ZNF722: variants seen among roughly 807,000 people sequenced by gnomAD.
The protein encoded by ZNF722 is zinc finger protein 722.
At chr7:63,998,945 C>A in the ZNF722 span, 17 of 1,573,646 alleles carry the variant, frequency 1.1e-5, no homozygotes, top group Non-Finnish European at 1.5e-5. Flanking sequence ...TTGTGTCCTG[C>A]AGGTATTCGC....
At chr7:64,012,233 G>C in the ZNF722 span, among the ~76,000 whole-genome samples, 1 of 152,096 alleles carries the variant, frequency 6.6e-6, no homozygotes, top group Non-Finnish European at 1.5e-5. Flanking sequence ...CCTTTAGCTC[G>C]GAGAAGTTTG....
the ZNF722 span, among the ~76,000 whole-genome samples, chr7:64,009,747 T>C: frequency 3.9e-5 from 6 of 152,078 alleles, no homozygotes; most frequent in Non-Finnish European, 7.4e-5. Context: ...CAGGATGATG[T>C]TGGCCTCATA....
the ZNF722 span, chr7:64,016,160 A>T: frequency 5.3e-6 from 2 of 373,898 alleles, no homozygotes; most frequent in Non-Finnish European, 9.5e-6. Flanking sequence ...TTTTTTTGAG[A>T]TGGTATCTCC....
chr7:64,015,523 C>T, the ZNF722 span: 1 of 1,612,426 alleles, frequency 6.2e-7, no homozygotes, highest in East Asian at 2.2e-5. Flanking sequence ...TTTAGGTGGC[C>T]CTCAAACCTT....
At chr7:64,003,438 G>A in the ZNF722 span, among the ~76,000 whole-genome samples, 1 of 152,036 alleles carries the variant, frequency 6.6e-6, no homozygotes, top group Admixed American at 6.6e-5. Context: ...GGTTTGATAT[G>A]TCCAGAGCAT....
At chr7:64,015,447 T>C in the ZNF722 span, 1 of 1,604,864 alleles carries the variant, frequency 6.2e-7, no homozygotes, top group Non-Finnish European at 8.5e-7. Flanking sequence ...CTCCTCAAAC[T>C]GTACTACACA....
At chr7:64,012,369 T>A in the ZNF722 span, among the ~76,000 whole-genome samples, 8 of 152,190 alleles carry the variant, frequency 5.3e-5, no homozygotes, top group African/African-American at 1.9e-4. Context: ...ATTTTTAAAA[T>A]TTTCAGCTTT....
At chr7:64,007,251 T>TAC in the ZNF722 span, among the ~76,000 whole-genome samples, 4 of 148,700 alleles carry the variant, frequency 2.7e-5, no homozygotes, top group Admixed American at 2.7e-4. Flanking sequence ...TATATATATA[T>TAC]ATATTTATAC....
At chr7:64,009,132 A>C in the ZNF722 span, among the ~76,000 whole-genome samples, 114 of 152,350 alleles carry the variant, frequency 7.5e-4, no homozygotes, top group African/African-American at 2.5e-3. Context: ...TATCAGCTTA[A>C]GGAGATTTTG....
At chr7:64,007,193 C>A in the ZNF722 span, among the ~76,000 whole-genome samples, 20 of 143,890 alleles carry the variant, frequency 1.4e-4, no homozygotes, top group African/African-American at 5.1e-4. Flanking sequence ...TTTGTGCAAC[C>A]TTTCAAGTGC....
chr7:64,014,936 G>A, the ZNF722 span: 2 of 975,976 alleles, frequency 2.0e-6, no homozygotes. Context: ...CATTTTGCTA[G>A]TGTGCCTTGT....
chr7:64,013,726 T>C, the ZNF722 span, among the ~76,000 whole-genome samples: 2 of 152,154 alleles, frequency 1.3e-5, no homozygotes, highest in Non-Finnish European at 2.9e-5. Context: ...TGCATGTTTT[T>C]CAGAAAGTTA....
chr7:63,999,072 G>A, the ZNF722 span: 2 of 1,494,602 alleles, frequency 1.3e-6, no homozygotes, highest in Admixed American at 1.7e-5. Flanking sequence ...CTTGTAGCAG[G>A]ACCCAAACTT....
the ZNF722 span, among the ~76,000 whole-genome samples, chr7:64,011,431 T>C: frequency 1.3e-5 from 2 of 152,196 alleles, no homozygotes; most frequent in Non-Finnish European, 1.5e-5. Flanking sequence ...GGAGCTCTTG[T>C]AAGGCAGGCC....
the ZNF722 span, among the ~76,000 whole-genome samples, chr7:64,012,099 A>G: frequency 6.6e-6 from 1 of 152,144 alleles, no homozygotes; most frequent in East Asian, 1.9e-4. Flanking sequence ...ACATAGTTCT[A>G]GTGCCATGGT....
the ZNF722 span, among the ~76,000 whole-genome samples, chr7:64,003,629 A>AT: frequency 2.6e-5 from 4 of 152,068 alleles, no homozygotes; most frequent in Admixed American, 6.6e-5. Flanking sequence ...TGTTTCAACT[A>AT]TTTTTTGTTA....
chr7:64,005,352 C>T, the ZNF722 span, among the ~76,000 whole-genome samples: 1 of 151,928 alleles, frequency 6.6e-6, no homozygotes, highest in African/African-American at 2.4e-5. Flanking sequence ...ATGTTGATGC[C>T]CTTAATTTTA....
At chr7:64,009,867 G>T in the ZNF722 span, among the ~76,000 whole-genome samples, 2 of 152,090 alleles carry the variant, frequency 1.3e-5, no homozygotes, top group Admixed American at 1.3e-4. Context: ...GAATCCATCT[G>T]GTCCTGGACT....
the ZNF722 span, among the ~76,000 whole-genome samples, chr7:64,013,291 T>C: frequency 3.3e-5 from 5 of 152,148 alleles, no homozygotes; most frequent in Admixed American, 6.6e-5. Flanking sequence ...ATATTTGCTT[T>C]ATATATTTTG....
Sources: allele counts gnomAD v4.1 joint callset (sites outside exome capture counted in the v4.1 genomes callset), GRCh38; gene constraint gnomAD v4.1.1; transcripts MANE v1.5; gene names NCBI Gene and HGNC (gene_info 2026-07-23, HGNC 2026-07-21).